Variants in ADAMTS17 observed in about 807,000 individuals in gnomAD.
The protein encoded by ADAMTS17 is ADAM metallopeptidase with thrombospondin type 1 motif 17.
ADAMTS17 carries 113 observed loss-of-function variants against 141.5 expected under a neutral mutation model. That is an observed-to-expected ratio of 0.80 (90% CI 0.69 to 0.93). The LOEUF (loss-of-function observed/expected upper bound fraction) is 0.93, where lower values mean the gene tolerates loss of function less well. Ranked by LOEUF, ADAMTS17 falls within the 40% of genes least tolerant of loss-of-function variation. The pLI, the probability that ADAMTS17 is intolerant of heterozygous loss-of-function variation, is 0.00. For missense variants in ADAMTS17, 1,659 were observed against 1,517.9 expected, an observed-to-expected ratio of 1.09 and a Z score of -1.54; for synonymous variants, 768 against 630.6, an observed-to-expected ratio of 1.22 and a Z score of -3.27.
intron 18 of ADAMTS17, among the ~76,000 whole-genome samples, chr15:100,042,748 C>T (rs1461957008): frequency 3.3e-5 from 5 of 152,180 alleles, no homozygotes; most frequent in Admixed American, 6.5e-5. Context: ...GGATGATTCA[C>T]GTCCTGGGCA....
intron 8 of ADAMTS17, among the ~76,000 whole-genome samples, chr15:100,160,828 T>C (rs906604412): frequency 2.6e-5 from 4 of 152,336 alleles, no homozygotes; most frequent in East Asian, 3.9e-4. Context: ...CTCATCACTT[T>C]ACAGTTTGAT....
chr15:99,980,925 C>T (rs1197366751), intron 20 of ADAMTS17, among the ~76,000 whole-genome samples: 1 of 152,232 alleles, frequency 6.6e-6, no homozygotes, highest in Non-Finnish European at 1.5e-5. Context: ...ACGTCTCCAG[C>T]ATATGCAGAT....
chr15:100,005,206 G>A (rs1361558449), intron 18 of ADAMTS17, among the ~76,000 whole-genome samples: 3 of 152,226 alleles, frequency 2.0e-5, no homozygotes, highest in Admixed American at 2.0e-4. Context: ...CTAATGAGAT[G>A]CCTCAGGCAG....
chr15:100,089,433 A>T (rs561115412), intron 15 of ADAMTS17, among the ~76,000 whole-genome samples: 11 of 150,356 alleles, frequency 7.3e-5, no homozygotes, highest in Non-Finnish European at 1.0e-4. Flanking sequence ...GCGATTCCTC[A>T]GGGATCTAGA....
intron 3 of ADAMTS17, among the ~76,000 whole-genome samples, chr15:100,305,189 A>G (rs533479261): frequency 4.2e-5 from 6 of 144,078 alleles, no homozygotes; most frequent in Non-Finnish European, 6.0e-5. Flanking sequence ...TCAACTATAG[A>G]AAAAAAAAAC....
chr15:100,098,497 A>G (rs2035900376), intron 14 of ADAMTS17, among the ~76,000 whole-genome samples: 1 of 151,866 alleles, frequency 6.6e-6, no homozygotes, highest in African/African-American at 2.4e-5. Context: ...AAATACAAAA[A>G]TTAGCTAGGC....
intron 10 of ADAMTS17, among the ~76,000 whole-genome samples, chr15:100,152,059 A>G (rs2039192738): frequency 6.6e-6 from 1 of 152,224 alleles, no homozygotes; most frequent in African/African-American, 2.4e-5. Context: ...GGGATCACAC[A>G]TGTTGGAAGC....
Position 100,212,051 on chromosome 15 carries a change from G to T in ADAMTS17, c.1076-12628C>A, listed in dbSNP as rs114066813. 4.6e-3 allele frequency among the ~76,000 whole-genome samples: 698 copies of T among 152,294 alleles called. 3 individuals carry two copies. Among genetic ancestry groups the T allele is most frequent in the African/African-American group, 0.015 (634 of 41,556 alleles). On this transcript the variant is annotated intron_variant, in intron 7 of 21. Transcript: ENST00000268070. ...GCCCACCCACCTGTCCCTGCTGACA[G>T]GAATCTCGGTAGCCTCTTATGTGTA... is the stretch of plus-strand genomic sequence containing the variant.
chr15:100,318,619 A>G (rs2045638180), intron 3 of ADAMTS17, among the ~76,000 whole-genome samples: 1 of 152,222 alleles, frequency 6.6e-6, no homozygotes, highest in African/African-American at 2.4e-5. Flanking sequence ...TTTATGAACT[A>G]TCTAGCTGAC....
chr15:100,260,313 G>T (rs2043471311), intron 6 of ADAMTS17, among the ~76,000 whole-genome samples: 1 of 152,034 alleles, frequency 6.6e-6, no homozygotes, highest in East Asian at 1.9e-4. Context: ...TGTTAAGTGA[G>T]ATTTAACTCT....
rs886050969 is a variant in ADAMTS17 at position 99,974,109 on chromosome 15, C to T, written c.*293G>A. On this transcript the variant is annotated 3_prime_UTR_variant, in exon 22 of 22. Transcript: ENST00000268070. ...CAAGAACACTAAATGATGTCTCTCT[C>T]TTGACGGTTGTCTGCCAGAGGTGCT... 7.1e-5 allele frequency: 35 copies of T among 490,658 alleles called. No homozygotes were observed. In the Middle Eastern group the frequency reaches 1.7e-3, roughly 24 times the overall value. The allele number at this position is 490,658 out of a possible 1,614,324, so 30.4% of individuals were successfully genotyped here.
intron 15 of ADAMTS17, chr15:100,073,968 C>G (rs1283897503): frequency 6.6e-6 from 1 of 152,044 alleles, no homozygotes; most frequent in East Asian, 1.9e-4. Flanking sequence ...CTTCCTGAAT[C>G]CTTTTATAAT....
Position 100,276,023 on chromosome 15 carries a change from G to A in ADAMTS17, c.789+5206C>T, listed in dbSNP as rs28684639. Reference sequence around the variant, plus strand: ...AGTGGGAGGGTGGGAGGGAGTAGGTGCCTGGTGGGAGGGAGTGGGTGCCTG... The same window carrying A: ...AGTGGGAGGGTGGGAGGGAGTAGGTACCTGGTGGGAGGGAGTGGGTGCCTG... On this transcript the variant is annotated intron_variant, in intron 4 of 21. Transcript: ENST00000268070. Among the ~76,000 whole-genome samples, 97 of 41,996 alleles carry A rather than the reference G, an allele frequency of 2.3e-3. 4 individuals carry two copies. The highest frequency in any genetic ancestry group is 0.012 in the African/African-American group (93 of 7,814). 27.6% of individuals were successfully genotyped at this position (41,996 alleles called of 152,430 possible).
intron 6 of ADAMTS17, 110 bp from the exon 7 acceptor site, chr15:100,254,289 T>C: frequency 1.0e-6 from 1 of 988,650 alleles, no homozygotes; most frequent in Non-Finnish European, 1.6e-6. Context: ...ATTTTTCCAG[T>C]GGACACAGGC....
In ADAMTS17 at chr15:100,073,526, A is replaced by G. The variant is rs551235000; in HGVS notation, c.2138-19472T>C. On this transcript the variant is annotated intron_variant, in intron 15 of 21. Transcript: ENST00000268070. ...TTGGAACCAACCCAAATGTCCAATA[A>G]TGATAGACTGGATTAAAAAAATGTG... Among the ~76,000 whole-genome samples the G allele has an allele frequency of 7.2e-3, 1,092 of 152,104 alleles. 12 individuals carry two copies. Among genetic ancestry groups the G allele is most frequent in the African/African-American group, 0.025 (1,042 of 41,412 alleles).
intron 7 of ADAMTS17, among the ~76,000 whole-genome samples, chr15:100,234,898 G>A (rs572185111): frequency 6.6e-6 from 1 of 152,336 alleles, no homozygotes; most frequent in South Asian, 2.1e-4. Context: ...CCACGGGGTA[G>A]AGGAGACAAT....
At chr15:100,311,600 G>A (rs903447004) in intron 3 of ADAMTS17, among the ~76,000 whole-genome samples, 20 of 152,198 alleles carry the variant, frequency 1.3e-4, no homozygotes, top group Non-Finnish European at 2.4e-4. Context: ...GGGAAGAGCC[G>A]ACACCACTTC....
chr15:100,229,327 G>T (rs142024454), intron 7 of ADAMTS17, among the ~76,000 whole-genome samples: 1 of 151,406 alleles, frequency 6.6e-6, no homozygotes, highest in Non-Finnish European at 1.5e-5. Flanking sequence ...GGACTCCCAG[G>T]CCTCTTATCT....
intron 10 of ADAMTS17, among the ~76,000 whole-genome samples, chr15:100,133,945 A>G (rs2038190192): frequency 6.6e-6 from 1 of 152,248 alleles, no homozygotes; most frequent in South Asian, 2.1e-4. Context: ...AACATCTACA[A>G]ATACACAATT....
Sources: allele counts gnomAD v4.1 joint callset (sites outside exome capture counted in the v4.1 genomes callset), GRCh38; gene constraint gnomAD v4.1.1; transcripts MANE v1.5; gene names NCBI Gene and HGNC (gene_info 2026-07-23, HGNC 2026-07-21).